Variants in PKHD1 observed in about 807,000 individuals in gnomAD.
The protein encoded by PKHD1 is PKHD1 ciliary IPT domain containing fibrocystin/polyductin.
In PKHD1, 291 loss-of-function variants were observed where a neutral mutation model predicts 412.0. The observed-to-expected ratio is 0.71, with a 90% CI of 0.64 to 0.78. The LOEUF (loss-of-function observed/expected upper bound fraction) is 0.78, where lower values mean the gene tolerates loss of function less well. PKHD1 is among the 30% of genes least tolerant of loss of function. The pLI is 0.00. For missense variants in PKHD1, 4,825 were observed against 4,950.7 expected (o/e 0.97, Z 0.76); for synonymous variants, 1,777 against 1,821.5 (o/e 0.98, Z 0.62).
intron 52 of PKHD1, among the ~76,000 whole-genome samples, chr6:51,820,734 C>T (rs943934574): frequency 2.6e-5 from 4 of 152,094 alleles, no homozygotes; most frequent in Non-Finnish European, 5.9e-5. Context: ...GCCAACTATG[C>T]CATTCCTGCC....
At position 52,024,869 on chromosome 6, in the gene PKHD1, T is replaced by G. The variant is rs1801902798; in HGVS notation, c.4941A>C (p.Ile1647=). ...EIEVDGLWYH[I]GVIGYNKAFT... The stretch of plus-strand genomic sequence containing the variant: ...AGGCCTTGTTATAACCAATGACTCC[T>G]ATGTGATACCAAAGTCCATCTACCT... The change falls in exon 32 of 67, where the codon ATA becomes ATC. Residue 1647 remains isoleucine (I), a synonymous_variant. Coordinates refer to ENST00000371117, the MANE Select transcript of PKHD1 (RefSeq NM_138694.4). 8 of 1,614,210 alleles carry G rather than the reference T, an allele frequency of 5.0e-6. No individual in the cohort carries two copies. Among genetic ancestry groups the G allele is most frequent in the Non-Finnish European group, 6.8e-6 (8 of 1,180,038 alleles).
chr6:51,994,994 G>A (rs1034792357), intron 35 of PKHD1, among the ~76,000 whole-genome samples: 4 of 152,130 alleles, frequency 2.6e-5, no homozygotes, highest in African/African-American at 4.8e-5. Context: ...ACCTCCCTCT[G>A]TAACTTACCA....
chr6:51,985,630 G>A (rs1422814859), intron 35 of PKHD1, among the ~76,000 whole-genome samples: 2 of 152,194 alleles, frequency 1.3e-5, no homozygotes, highest in Non-Finnish European at 2.9e-5. Flanking sequence ...TCGGGAGGCT[G>A]AGGCAGGAGA....
chr6:51,768,723 T>C (rs1183131560), intron 55 of PKHD1, among the ~76,000 whole-genome samples: 1 of 151,814 alleles, frequency 6.6e-6, no homozygotes, highest in Non-Finnish European at 1.5e-5. Context: ...TATTTAATGA[T>C]TGTTGTAACA....
chr6:51,691,347 C>A (rs565107197), intron 60 of PKHD1, among the ~76,000 whole-genome samples: 1 of 152,260 alleles, frequency 6.6e-6, no homozygotes, highest in Non-Finnish European at 1.5e-5. Flanking sequence ...TATAAAGACA[C>A]ATGCATGAAT....
At chr6:51,728,162 C>A (rs1001067792) in intron 60 of PKHD1, among the ~76,000 whole-genome samples, 1 of 152,182 alleles carries the variant, frequency 6.6e-6, no homozygotes, top group Non-Finnish European at 1.5e-5. Flanking sequence ...CAAGGCACCT[C>A]TGGAATTCTC....
At chr6:51,940,239 G>T (rs1788263772) in intron 36 of PKHD1, among the ~76,000 whole-genome samples, 2 of 151,444 alleles carry the variant, frequency 1.3e-5, no homozygotes, top group South Asian at 2.1e-4. Flanking sequence ...TTAAATTCCG[G>T]CCCTCAAACC....
Position 52,050,254 on chromosome 6 carries a change from G to T in PKHD1, c.2182C>A (p.Leu728Met), listed in dbSNP as rs1187978765. The T allele has an allele frequency of 6.2e-7, 1 of 1,614,194 alleles. No individual in the cohort carries two copies. The highest frequency in any genetic ancestry group is 8.5e-7 in the Non-Finnish European group (1 of 1,180,010). The change falls in exon 22 of 67, where the codon CTG becomes ATG. Residue 728 changes from leucine to methionine, a missense_variant. By Grantham distance (15) the Leu-to-Met change is conservative. Transcript: ENST00000371117. The part of the protein sequence containing the change: ...DSGTARPGGN[L>M]VESVSVVGSP... Reference sequence around the variant, plus strand: ...CCCACCACAGAGACTGATTCCACCAGATTGCCCCCTGGGCGAGCCGTTCCA... The same window carrying T: ...CCCACCACAGAGACTGATTCCACCATATTGCCCCCTGGGCGAGCCGTTCCA...
intron 35 of PKHD1, among the ~76,000 whole-genome samples, chr6:51,997,796 G>A (rs1343331542): frequency 1.3e-5 from 2 of 152,214 alleles, no homozygotes; most frequent in African/African-American, 2.4e-5. Flanking sequence ...TGGGAGTCCA[G>A]AGGATGAAAA....
At chr6:51,962,357 A>G (rs1369254998) in intron 35 of PKHD1, among the ~76,000 whole-genome samples, 1 of 152,162 alleles carries the variant, frequency 6.6e-6, no homozygotes, top group East Asian at 1.9e-4. Flanking sequence ...GGTGTTATCC[A>G]TTAATTAATT....
intron 60 of PKHD1, among the ~76,000 whole-genome samples, chr6:51,688,909 C>A (rs1405532298): frequency 6.6e-6 from 1 of 152,138 alleles, no homozygotes; most frequent in African/African-American, 2.4e-5. Flanking sequence ...CAGCCGAATT[C>A]TACCAGATGT....
intron 36 of PKHD1, among the ~76,000 whole-genome samples, chr6:51,935,218 C>T (rs1463555008): frequency 6.6e-6 from 1 of 152,168 alleles, no homozygotes; most frequent in African/African-American, 2.4e-5. Flanking sequence ...TTAACTGATA[C>T]ATATACCATT....
chr6:51,737,995 C>T (rs1784071844), intron 60 of PKHD1, among the ~76,000 whole-genome samples: 1 of 152,126 alleles, frequency 6.6e-6, no homozygotes. Context: ...GATATACAAA[C>T]TATAAGCCCC....
intron 53 of PKHD1, among the ~76,000 whole-genome samples, chr6:51,786,438 G>T (rs891396189): frequency 3.3e-5 from 5 of 152,102 alleles, no homozygotes; most frequent in African/African-American, 1.2e-4. Context: ...ATTTTTCTAA[G>T]AATAAATATA....
intron 19 of PKHD1, among the ~76,000 whole-genome samples, chr6:52,054,811 G>A (rs992711345): frequency 6.6e-6 from 1 of 152,116 alleles, no homozygotes; most frequent in African/African-American, 2.4e-5. Context: ...TTCCCTGGGG[G>A]GCAAAATCAC....
chr6:51,891,161 G>C (rs1251929500), intron 43 of PKHD1, among the ~76,000 whole-genome samples: 1 of 152,120 alleles, frequency 6.6e-6, no homozygotes, highest in African/African-American at 2.4e-5. Context: ...TTTATCCTTA[G>C]ACTAAGTAAA....
At chr6:51,960,097 C>A in intron 35 of PKHD1, 71 bp from the exon 36 acceptor site, 1 of 1,488,018 alleles carries the variant, frequency 6.7e-7, no homozygotes, top group South Asian at 1.1e-5. Flanking sequence ...TTGGTTGGTT[C>A]GCTGGTTTGT....
At position 52,006,620 on chromosome 6, in the gene PKHD1, A is replaced by C. The variant is rs187523716; in HGVS notation, c.5751+3689T>G. The stretch of plus-strand genomic sequence containing the variant: ...TCGAACTCCTGACCTCAGGTGATCC[A>C]CCCACCTTGGCATCCCAAAGTGCTG... On this transcript the variant is annotated intron_variant, in intron 35 of 66. Transcript: ENST00000371117. Among the ~76,000 whole-genome samples the C allele has an allele frequency of 6.1e-3, 927 of 151,924 alleles. 9 individuals carry two copies. The highest frequency in any genetic ancestry group is 7.7e-3 in the Non-Finnish European group (520 of 67,970).
At chr6:51,808,246 T>G (rs1169113066) in intron 52 of PKHD1, among the ~76,000 whole-genome samples, 1 of 151,864 alleles carries the variant, frequency 6.6e-6, no homozygotes, top group Non-Finnish European at 1.5e-5. Context: ...GTAGTGTGTG[T>G]TTTTTTTAAT....
Sources: gnomAD v4.1 joint callset for allele counts (sites outside exome capture counted in the v4.1 genomes callset) on GRCh38, gnomAD v4.1.1 for gene constraint, MANE v1.5 for transcripts, NCBI Gene and HGNC (gene_info 2026-07-23, HGNC 2026-07-21) for gene names.